BCKDHB: variants seen among roughly 807,000 people sequenced by gnomAD.
The protein encoded by BCKDHB is 2-oxoisovalerate dehydrogenase subunit beta, mitochondrial.
Under a neutral mutation model 48.5 loss-of-function variants are expected in BCKDHB, and 41 were observed. The observed-to-expected ratio is 0.85, with a 90% CI of 0.66 to 1.10. The LOEUF is 1.10. Ranked by LOEUF, BCKDHB falls within the 50% of genes least tolerant of loss-of-function variation. The pLI, the probability that BCKDHB is intolerant of heterozygous loss-of-function variation, is 0.00. For missense variants in BCKDHB, 496 were observed against 494.2 expected (o/e 1.00, Z -0.03); for synonymous variants, 201 against 174.8 (o/e 1.15, Z -1.18).
intron 5 of BCKDHB, among the ~76,000 whole-genome samples, chr6:80,171,072 T>C (rs1449941673): frequency 2.0e-5 from 3 of 152,144 alleles, no homozygotes; most frequent in Non-Finnish European, 4.4e-5. Context: ...CAGAACATGG[T>C]AGACATCTGA....
intron 8 of BCKDHB, among the ~76,000 whole-genome samples, chr6:80,211,081 C>T (rs1774911430): frequency 6.6e-6 from 1 of 152,122 alleles, no homozygotes; most frequent in African/African-American, 2.4e-5. Context: ...GAAAGAAACT[C>T]AGATTCTCAA....
At chr6:80,359,577 C>T in the BCKDHB span, among the ~76,000 whole-genome samples, 1 of 150,776 alleles carries the variant, frequency 6.6e-6, no homozygotes, top group Non-Finnish European at 1.5e-5. Flanking sequence ...TGGCTTAATA[C>T]GCTTGTTTCT....
chr6:80,376,981 A>G, the BCKDHB span, among the ~76,000 whole-genome samples: 1 of 151,316 alleles, frequency 6.6e-6, no homozygotes, highest in African/African-American at 2.4e-5. Flanking sequence ...GTATTTTCTT[A>G]TTCTGTGGAT....
intron 6 of BCKDHB, among the ~76,000 whole-genome samples, chr6:80,179,430 A>C (rs1406235697): frequency 6.6e-6 from 1 of 152,210 alleles, no homozygotes; most frequent in East Asian, 1.9e-4. Context: ...TAAACAATAC[A>C]GTATAGCAGC....
At chr6:80,113,677 A>G (rs914648109) in intron 1 of BCKDHB, among the ~76,000 whole-genome samples, 1 of 152,226 alleles carries the variant, frequency 6.6e-6, no homozygotes, top group Non-Finnish European at 1.5e-5. Context: ...GGTTCTTGGC[A>G]TTTTGAACAA....
chr6:80,132,390 C>T (rs984712180), intron 3 of BCKDHB, among the ~76,000 whole-genome samples: 10 of 152,190 alleles, frequency 6.6e-5, no homozygotes, highest in African/African-American at 2.2e-4. Context: ...AATATTGTAT[C>T]AGGCAGTATT....
In BCKDHB at chr6:80,147,982, T is replaced by A. The variant is rs140255506; in HGVS notation, c.343+18753T>A. ...ACACATTGAATGAAATTCCTGTTGG[T>A]TGTTACAATTAGGAGGCCATTGGTA... On this transcript the variant is annotated intron_variant, in intron 3 of 9. Transcript: ENST00000320393. Among the ~76,000 whole-genome samples, 264 of 152,278 alleles carry A rather than the reference T, an allele frequency of 1.7e-3. 1 individual carries two copies. Among genetic ancestry groups the A allele is most frequent in the African/African-American group, 6.0e-3 (250 of 41,564 alleles).
intron 9 of BCKDHB, among the ~76,000 whole-genome samples, chr6:80,303,141 A>T (rs1033089581): frequency 6.6e-6 from 1 of 152,096 alleles, no homozygotes; most frequent in Admixed American, 6.6e-5. Flanking sequence ...GTATGGCTTC[A>T]GTTAGTTGGA....
intron 6 of BCKDHB, among the ~76,000 whole-genome samples, chr6:80,180,503 G>A (rs1366097387): frequency 1.3e-5 from 2 of 152,202 alleles, no homozygotes; most frequent in African/African-American, 2.4e-5. Context: ...AATGACACAT[G>A]ACATCAGTGA....
chr6:80,333,176 A>G (rs571878152), intron 9 of BCKDHB, among the ~76,000 whole-genome samples: 108 of 152,304 alleles, frequency 7.1e-4, no homozygotes, highest in African/African-American at 2.6e-3. Context: ...GACTTTTACG[A>G]AAACTTAAAC....
chr6:80,309,049 A>C (rs1188449838), intron 9 of BCKDHB, among the ~76,000 whole-genome samples: 1 of 151,484 alleles, frequency 6.6e-6, no homozygotes, highest in Non-Finnish European at 1.5e-5. Context: ...TACTATTAAA[A>C]GTATAGTTTT....
At chr6:80,419,048 A>G in the BCKDHB span, among the ~76,000 whole-genome samples, 7,684 of 152,264 alleles carry the variant, frequency 0.05, 589 homozygotes, top group African/African-American at 0.16. Context: ...GCATCAGAGC[A>G]CAGTGCTCAT....
At chr6:80,375,915 G>A in the BCKDHB span, among the ~76,000 whole-genome samples, 30 of 152,230 alleles carry the variant, frequency 2.0e-4, 1 homozygote, top group East Asian at 7.7e-4. Context: ...TTTTTATTAC[G>A]TGTGTTGGTT....
At chr6:80,254,793 A>T (rs967210072) in intron 8 of BCKDHB, among the ~76,000 whole-genome samples, 3 of 152,230 alleles carry the variant, frequency 2.0e-5, no homozygotes, top group African/African-American at 7.2e-5. Flanking sequence ...AGAGAATCAT[A>T]GATGATTTCC....
the BCKDHB span, among the ~76,000 whole-genome samples, chr6:80,450,225 C>A: frequency 6.6e-6 from 1 of 152,140 alleles, no homozygotes; most frequent in Non-Finnish European, 1.5e-5. Flanking sequence ...TTACTCCCAG[C>A]CCTTCCTAAA....
intron 9 of BCKDHB, among the ~76,000 whole-genome samples, chr6:80,311,013 G>T (rs1318169299): frequency 2.6e-5 from 4 of 152,018 alleles, no homozygotes; most frequent in Non-Finnish European, 5.9e-5. Context: ...TTTTCAGATG[G>T]TGATATGGTT....
chr6:80,343,527 A>G (rs1295907490), intron 9 of BCKDHB, 137 bp from the exon 10 acceptor site: 10 of 963,856 alleles, frequency 1.0e-5, no homozygotes, highest in African/African-American at 8.3e-5. Context: ...CTTTTTTCAT[A>G]TTACAGTATA....
intron 8 of BCKDHB, among the ~76,000 whole-genome samples, chr6:80,252,431 G>C: frequency 6.6e-6 from 1 of 152,074 alleles, no homozygotes; most frequent in East Asian, 1.9e-4. Context: ...TTAGAGGAAG[G>C]TAACTTAATT....
intron 3 of BCKDHB, among the ~76,000 whole-genome samples, chr6:80,166,323 G>C (rs1181305189): frequency 6.6e-6 from 1 of 151,882 alleles, no homozygotes; most frequent in Non-Finnish European, 1.5e-5. Flanking sequence ...TTTCATTATA[G>C]TTTCTTCTTT....
Sources: gnomAD v4.1 joint callset for allele counts (sites outside exome capture counted in the v4.1 genomes callset) on GRCh38, gnomAD v4.1.1 for gene constraint, MANE v1.5 for transcripts, NCBI Gene and HGNC (gene_info 2026-07-23, HGNC 2026-07-21) for gene names.